The following HECTD4 variants were observed in gnomAD, a reference collection of about 807,000 sequenced individuals.
The protein encoded by HECTD4 is probable E3 ubiquitin-protein ligase HECTD4.
HECTD4 carries 114 observed loss-of-function variants against 471.5 expected under a neutral mutation model. That is an observed-to-expected ratio of 0.24 (90% CI 0.21 to 0.28). The LOEUF (loss-of-function observed/expected upper bound fraction) is 0.28, where lower values mean the gene tolerates loss of function less well. HECTD4 is among the 10% of genes least tolerant of loss of function. The pLI, the probability that HECTD4 is intolerant of heterozygous loss-of-function variation, is 1.00. For synonymous variants in HECTD4, 2,012 were observed against 2,256.0 expected, an observed-to-expected ratio of 0.89 and a Z score of 3.07; for missense variants, 3,866 against 5,651.5, an observed-to-expected ratio of 0.68 and a Z score of 10.13.
intron 14 of HECTD4, 135 bp from the exon 15 acceptor site, chr12:112,266,118 A>G (rs2034266721): frequency 1.6e-6 from 1 of 619,264 alleles, no homozygotes; most frequent in African/African-American, 1.8e-5. Context: ...TACAAATAAG[A>G]GTGGCAAAAA....
chr12:112,194,351 G>A lies in HECTD4; in HGVS notation c.8749+534C>T, dbSNP rs1269156433. ...AGTTGCTGGGAGATCGAGGCGGCAG[G>A]CTGGAGGCTGAGATGCCAGGGGAAG... On this transcript the variant is annotated intron_variant, in intron 56 of 75. Coordinates refer to ENST00000682272, the MANE Select transcript of HECTD4 (RefSeq NM_001388303.1). This position sits in a 1 kb window ranked among gnomAD's most constrained non-coding sequence, Gnocchi z 4.6. Among the ~76,000 whole-genome samples, 16 of 152,180 alleles carry A rather than the reference G, an allele frequency of 1.1e-4. No homozygotes were observed. The highest frequency in any genetic ancestry group is 3.4e-4 in the African/African-American group (14 of 41,430).
At position 112,290,855 on chromosome 12, in the gene HECTD4, AAACAAAAC is replaced by A. The variant is rs1008793248; in HGVS notation, c.1336-7561_1336-7554del. 1.1e-4 allele frequency among the ~76,000 whole-genome samples: 16 copies of A among 148,226 alleles called. 2 individuals are homozygous for A. The South Asian group carries it at 2.5e-3, about 23-fold the overall frequency. The stretch of plus-strand genomic sequence containing the variant: ...AAGAGCGAAACTCCGTCTCAAAAAA[AAACAAAAC>A]AAAAAAAAAAAACAAATCACAGATA... On this transcript the variant is annotated intron_variant, in intron 7 of 75. Coordinates refer to ENST00000682272, the MANE Select transcript of HECTD4 (RefSeq NM_001388303.1).
chr12:112,165,604 GCCT>G (rs1247500686), intron 72 of HECTD4, among the ~76,000 whole-genome samples: 1 of 152,006 alleles, frequency 6.6e-6, no homozygotes, highest in Non-Finnish European at 1.5e-5. Context: ...GCCCACCTTG[GCCT>G]CCCGAAGTGC....
At position 112,210,421 on chromosome 12, in the gene HECTD4, A is replaced by G. The variant is rs572339220; in HGVS notation, c.7630-169T>C. Among the ~76,000 whole-genome samples, 111 of 152,324 alleles carry G rather than the reference A, an allele frequency of 7.3e-4. 2 individuals are homozygous for G. The South Asian group carries it at 0.023, about 31-fold the overall frequency. ...AGGGACTGAGCACACCTGTGCTCAG[A>G]GCCCTGTACAGCCAGCCCTGCCTCC... On this transcript the variant is annotated intron_variant, in intron 49 of 75. Transcript: ENST00000682272.
chr12:112,193,100 A>G lies in HECTD4; in HGVS notation c.9047T>C (p.Val3016Ala). 1 of 1,613,996 alleles carries G rather than the reference A, an allele frequency of 6.2e-7. No individual in the cohort carries two copies. The highest frequency in any genetic ancestry group is 8.5e-7 in the Non-Finnish European group (1 of 1,179,882). Residue 3016 changes from valine (V) to alanine (A), a missense_variant, in exon 58 of 76, where the codon GTT becomes GCT. Val to Ala is a moderately conservative substitution (Grantham distance 64). Transcript: ENST00000682272. This position sits in a 1 kb window ranked among gnomAD's most constrained non-coding sequence, Gnocchi z 5.2. Reference sequence around the variant, plus strand: ...AGATTGACTTTCTTTACAAGACACAACAACAAAAGCTGCCCCGGGGAAATT... The same window carrying G: ...AGATTGACTTTCTTTACAAGACACAGCAACAAAAGCTGCCCCGGGGAAATT... ...DVNFPGAAFVVVSCKESQSGF... is the reference protein window; with the variant it reads ...DVNFPGAAFVAVSCKESQSGF...
chr12:112,199,812 ATCT>A (rs1400785451), intron 55 of HECTD4, among the ~76,000 whole-genome samples: 1 of 152,178 alleles, frequency 6.6e-6, no homozygotes, highest in Non-Finnish European at 1.5e-5. Flanking sequence ...GTACCTGGAC[ATCT>A]TCTTACCTTT....
intron 1 of HECTD4, among the ~76,000 whole-genome samples, chr12:112,349,388 CAAAAAAAAAA>C (rs60480485): frequency 0.038 from 2,064 of 54,792 alleles, 75 homozygotes; most frequent in African/African-American, 0.13. Context: ...ACTCTTGCTC[CAAAAAAAAAA>C]AAAAAAAAAA....
chr12:112,222,309 G>A (rs979718864), intron 44 of HECTD4, among the ~76,000 whole-genome samples: 3 of 152,072 alleles, frequency 2.0e-5, no homozygotes, highest in African/African-American at 7.2e-5. Context: ...CACCTACCTC[G>A]GCCTCTCAAA....
At chr12:112,339,460 C>T (rs1267286699) in intron 1 of HECTD4, among the ~76,000 whole-genome samples, 1 of 151,876 alleles carries the variant, frequency 6.6e-6, no homozygotes, top group Non-Finnish European at 1.5e-5. Flanking sequence ...AAACAAAATT[C>T]AGAAGGGCAG....
At chr12:112,266,633 C>T (rs765350338) in intron 14 of HECTD4, among the ~76,000 whole-genome samples, 2 of 152,158 alleles carry the variant, frequency 1.3e-5, no homozygotes, top group Non-Finnish European at 2.9e-5. Flanking sequence ...AGGCATGGGC[C>T]ACCATGCCCA....
intron 1 of HECTD4, among the ~76,000 whole-genome samples, chr12:112,331,362 C>A (rs1327635538): frequency 6.6e-6 from 1 of 152,218 alleles, no homozygotes; most frequent in Non-Finnish European, 1.5e-5. Flanking sequence ...TGAGCCACCA[C>A]ACCTTGTCCA....
At chr12:112,349,944 A>G (rs1293612242) in intron 1 of HECTD4, among the ~76,000 whole-genome samples, 2 of 152,022 alleles carry the variant, frequency 1.3e-5, no homozygotes, top group Non-Finnish European at 2.9e-5. Flanking sequence ...CAATAATATG[A>G]TATTTTTCTT....
At chr12:112,237,246 C>A in intron 34 of HECTD4, 148 bp from the exon 35 acceptor site, 1 of 569,374 alleles carries the variant, frequency 1.8e-6, no homozygotes, top group Non-Finnish European at 2.8e-6. Flanking sequence ...AATGTCTACA[C>A]ATAAAAAGGA....
chr12:112,318,030 T>A (rs2035516933), intron 2 of HECTD4, among the ~76,000 whole-genome samples: 1 of 148,270 alleles, frequency 6.7e-6, no homozygotes, highest in Non-Finnish European at 1.5e-5. Context: ...ATTCCAGTAC[T>A]CTTGGAGGCT....
intron 66 of HECTD4, 130 bp downstream of exon 66, chr12:112,175,606 T>A: frequency 8.6e-7 from 1 of 1,168,656 alleles, no homozygotes. Flanking sequence ...AGGAAAAAAC[T>A]CAGAAATTAC....
At chr12:112,344,447 C>A (rs1484731507) in intron 1 of HECTD4, among the ~76,000 whole-genome samples, 2 of 152,096 alleles carry the variant, frequency 1.3e-5, no homozygotes, top group African/African-American at 2.4e-5. Flanking sequence ...ACAAGCCATC[C>A]AACACTTCTG....
At position 112,228,386 on chromosome 12, in the gene HECTD4, A is replaced by G. The variant is rs906249104; in HGVS notation, c.6685-128T>C. The G allele has an allele frequency of 9.4e-7, 1 of 1,060,386 alleles. No individual in the cohort carries two copies. The highest frequency in any genetic ancestry group is 2.1e-5 in the South Asian group (1 of 47,630). 65.7% of individuals were successfully genotyped at this position (1,060,386 alleles called of 1,614,324 possible). ...TTAAAAAAATAAAATCACCATACAG[A>G]AAACTACAAACCACATCAAAACAAT... On this transcript the variant is annotated intron_variant, in intron 42 of 75. Transcript: ENST00000682272. This position sits in a 1 kb window ranked among gnomAD's most constrained non-coding sequence, Gnocchi z 4.9.
chr12:112,282,694 A>C (rs2034670540), intron 8 of HECTD4, among the ~76,000 whole-genome samples: 1 of 152,198 alleles, frequency 6.6e-6, no homozygotes, highest in Admixed American at 6.5e-5. Context: ...TAAAACATTA[A>C]ATTAAAAAAC....
chr12:112,369,543 C>T (rs951320614), intron 1 of HECTD4, among the ~76,000 whole-genome samples: 1 of 151,840 alleles, frequency 6.6e-6, no homozygotes, highest in Admixed American at 6.6e-5. Context: ...TGGGGTTTTC[C>T]CATGTTGGCC....
Sources: allele counts gnomAD v4.1 joint callset (sites outside exome capture counted in the v4.1 genomes callset), GRCh38; gene constraint gnomAD v4.1.1; non-coding constraint Gnocchi (gnomAD v3.1); transcripts MANE v1.5; gene names NCBI Gene and HGNC (gene_info 2026-07-23, HGNC 2026-07-21).